Variants in CAMK1D observed in about 807,000 individuals in gnomAD.
The protein encoded by CAMK1D is calcium/calmodulin dependent protein kinase ID.
Under a neutral mutation model 47.7 loss-of-function variants are expected in CAMK1D, and 9 were observed. The ratio of observed to expected loss-of-function variants is 0.19; its 90% CI spans 0.11 to 0.33. The LOEUF (loss-of-function observed/expected upper bound fraction) is 0.33, where lower values mean the gene tolerates loss of function less well. Among genes scored for constraint, CAMK1D ranks in the 10% least tolerant of loss-of-function variants. The pLI is 1.00. For synonymous variants in CAMK1D, 184 were observed against 184.9 expected (o/e 0.99, Z 0.04); for missense variants, 291 against 488.7 (o/e 0.60, Z 3.81).
intron 1 of CAMK1D, among the ~76,000 whole-genome samples, chr10:12,359,073 A>C (rs1334639645): frequency 2.0e-5 from 3 of 152,224 alleles, no homozygotes; most frequent in Non-Finnish European, 4.4e-5. Flanking sequence ...TGAGTAGCTA[A>C]GAACATAGGC....
At chr10:12,409,092 A>G (rs150125408) in intron 1 of CAMK1D, among the ~76,000 whole-genome samples, 1,782 of 151,842 alleles carry the variant, frequency 0.012, 11 homozygotes, top group Middle Eastern at 0.045. Flanking sequence ...CCTGACCTCA[A>G]ATGATCTGCC....
chr10:12,643,470 A>G (rs1000471853), intron 2 of CAMK1D, among the ~76,000 whole-genome samples: 2 of 152,050 alleles, frequency 1.3e-5, no homozygotes, highest in Admixed American at 1.3e-4. Flanking sequence ...CTCCCCATCC[A>G]TCACCCGCCT....
chr10:12,683,088 ATT>A (rs63493960), intron 3 of CAMK1D, among the ~76,000 whole-genome samples: 7 of 134,872 alleles, frequency 5.2e-5, no homozygotes, highest in Admixed American at 1.5e-4. Context: ...CACCCAGCTA[ATT>A]TTTTTTTTTT....
At chr10:12,766,595 A>T (rs56088824) in intron 4 of CAMK1D, among the ~76,000 whole-genome samples, 2,581 of 152,190 alleles carry the variant, frequency 0.017, 67 homozygotes, top group African/African-American at 0.058. Flanking sequence ...TTAGAAAAAA[A>T]AATAATAATT....
chr10:12,578,255 G>A (rs971006000), intron 2 of CAMK1D, among the ~76,000 whole-genome samples: 2 of 151,914 alleles, frequency 1.3e-5, no homozygotes, highest in African/African-American at 2.4e-5. Context: ...TTTAAAAAAT[G>A]TTTTGTAGGG....
At chr10:12,501,859 CA>C (rs59666887) in intron 1 of CAMK1D, among the ~76,000 whole-genome samples, 102,744 of 151,968 alleles carry the variant, frequency 0.68, 34,952 homozygotes, top group East Asian at 0.75. Flanking sequence ...GTGTGGTCCC[CA>C]AAAGCCATTT....
intron 1 of CAMK1D, among the ~76,000 whole-genome samples, chr10:12,386,042 G>A (rs1476834137): frequency 1.3e-5 from 2 of 152,142 alleles, no homozygotes; most frequent in Non-Finnish European, 2.9e-5. Context: ...CACTGTGTCT[G>A]GCCTGAATTG....
rs1268762881 is a variant in CAMK1D at position 12,662,045 on chromosome 10, A to C, written c.225-4691A>C. Among the ~76,000 whole-genome samples the C allele has an allele frequency of 2.6e-5, 4 of 152,240 alleles. No individual in the cohort carries two copies. The East Asian group carries it at 7.7e-4, about 29-fold the overall frequency. ...TGATAGTACTGCTAGGTTTGCAGCT[A>C]GAGAGCAATTGAAGCCAGCTGATTA... On this transcript the variant is annotated intron_variant, in intron 2 of 10. Transcript: ENST00000619168.
intron 1 of CAMK1D, among the ~76,000 whole-genome samples, chr10:12,392,810 C>A (rs564882911): frequency 2.6e-5 from 4 of 152,244 alleles, no homozygotes; most frequent in African/African-American, 9.6e-5. Flanking sequence ...CCCTGACCCC[C>A]AGGCCCAGGT....
chr10:12,676,049 T>G (rs1335518429), intron 3 of CAMK1D, among the ~76,000 whole-genome samples: 1 of 152,056 alleles, frequency 6.6e-6, no homozygotes, highest in African/African-American at 2.4e-5. Flanking sequence ...GCCTCCCGGG[T>G]TCAAGCGATT....
chr10:12,658,940 A>T (rs1037821910), intron 2 of CAMK1D, among the ~76,000 whole-genome samples: 1 of 152,196 alleles, frequency 6.6e-6, no homozygotes, highest in Admixed American at 6.5e-5. Context: ...TGTCCTTGTG[A>T]TAAGGCAGAG....
intron 3 of CAMK1D, among the ~76,000 whole-genome samples, chr10:12,706,109 A>G (rs532345072): frequency 1.3e-5 from 2 of 152,326 alleles, no homozygotes; most frequent in East Asian, 1.9e-4. Context: ...TTTTAATCCA[A>G]TAACTGAGAT....
intron 2 of CAMK1D, among the ~76,000 whole-genome samples, chr10:12,618,126 G>A (rs1470182011): frequency 2.6e-5 from 4 of 152,142 alleles, no homozygotes; most frequent in African/African-American, 4.8e-5. Context: ...ATTAGCAGCC[G>A]ATTCAGGGCT....
chr10:12,464,763 C>T (rs570137521), intron 1 of CAMK1D, among the ~76,000 whole-genome samples: 13 of 151,174 alleles, frequency 8.6e-5, no homozygotes, highest in Admixed American at 3.3e-4. Context: ...TGCATTGAGC[C>T]GAGATCTCGC....
chr10:12,531,253 G>A (rs1034486256), intron 1 of CAMK1D, among the ~76,000 whole-genome samples: 2 of 152,166 alleles, frequency 1.3e-5, no homozygotes, highest in Non-Finnish European at 2.9e-5. Flanking sequence ...ATGATATGCT[G>A]ATAACTTGTT....
chr10:12,777,190 C>T (rs1837287867), intron 5 of CAMK1D, among the ~76,000 whole-genome samples: 2 of 151,980 alleles, frequency 1.3e-5, no homozygotes, highest in South Asian at 4.1e-4. Context: ...GTCAGGGGGA[C>T]AAGCTGGATC....
chr10:12,682,397 A>T (rs1395069524), intron 3 of CAMK1D, among the ~76,000 whole-genome samples: 1 of 152,212 alleles, frequency 6.6e-6, no homozygotes, highest in Non-Finnish European at 1.5e-5. Flanking sequence ...GGAAATATTA[A>T]ATCATTAATT....
intron 6 of CAMK1D, among the ~76,000 whole-genome samples, chr10:12,804,999 G>A (rs142122865): frequency 0.042 from 6,119 of 145,366 alleles, 444 homozygotes; most frequent in African/African-American, 0.15. Flanking sequence ...GGTGGCTCAC[G>A]CCTATAATCC....
At chr10:12,392,419 A>G (rs952958995) in intron 1 of CAMK1D, among the ~76,000 whole-genome samples, 1 of 152,032 alleles carries the variant, frequency 6.6e-6, no homozygotes, top group African/African-American at 2.4e-5. Context: ...TCCTGAATTT[A>G]TCTACTCTAA....
Sources: gnomAD v4.1 joint callset for allele counts (sites outside exome capture counted in the v4.1 genomes callset) on GRCh38, gnomAD v4.1.1 for gene constraint, MANE v1.5 for transcripts, NCBI Gene and HGNC (gene_info 2026-07-23, HGNC 2026-07-21) for gene names.